Variants in NCK2 observed in about 807,000 individuals in gnomAD.
NCK2 encodes the protein cytoplasmic protein NCK2.
In NCK2, 16 loss-of-function variants were observed where a neutral mutation model predicts 33.9. The observed-to-expected ratio is 0.47, with a 90% CI of 0.32 to 0.72. The LOEUF is 0.72. NCK2 is among the 30% of genes least tolerant of loss of function. The pLI is 0.03. For synonymous variants in NCK2, 273 were observed against 239.9 expected (o/e 1.14, Z -1.27); for missense variants, 418 against 537.3 (o/e 0.78, Z 2.19).
At chr2:105,875,054 G>T (rs1481342014) in intron 3 of NCK2, among the ~76,000 whole-genome samples, 1 of 152,194 alleles carries the variant, frequency 6.6e-6, no homozygotes, top group Non-Finnish European at 1.5e-5. Context: ...TTATTATTAT[G>T]AAATGCAGAT....
chr2:105,779,692 AT>A (rs558126530), intron 1 of NCK2, among the ~76,000 whole-genome samples: 70 of 148,392 alleles, frequency 4.7e-4, no homozygotes, highest in South Asian at 1.1e-3. Context: ...AAGAGCTTTG[AT>A]TTTTTTTTTT....
chr2:105,850,508 T>C (rs1677024895), intron 2 of NCK2, among the ~76,000 whole-genome samples: 1 of 152,194 alleles, frequency 6.6e-6, no homozygotes, highest in African/African-American at 2.4e-5. Flanking sequence ...CTAAGCTGTG[T>C]TTTAGAGTGG....
chr2:105,812,426 T>A (rs1028722755), intron 1 of NCK2, among the ~76,000 whole-genome samples: 1 of 152,206 alleles, frequency 6.6e-6, no homozygotes. Flanking sequence ...TAAGGTTCTC[T>A]TCCAAGTGGT....
intron 3 of NCK2, among the ~76,000 whole-genome samples, chr2:105,861,619 A>G (rs1166206473): frequency 6.7e-6 from 1 of 149,466 alleles, no homozygotes; most frequent in Non-Finnish European, 1.5e-5. Context: ...GGTTCAAGCG[A>G]TTCTCCTGCT....
chr2:105,855,338 A>G, intron 3 of NCK2, 49 bp downstream of exon 3: 2 of 1,390,046 alleles, frequency 1.4e-6, no homozygotes, highest in Non-Finnish European at 9.8e-7. Context: ...TTCAAGGGAC[A>G]CTGTTCGTCT....
At chr2:105,812,993 A>T (rs961687419) in intron 1 of NCK2, among the ~76,000 whole-genome samples, 8 of 152,202 alleles carry the variant, frequency 5.3e-5, no homozygotes, top group African/African-American at 1.9e-4. Flanking sequence ...AGATGGCATC[A>T]GCAGATGCGA....
chr2:105,871,451 G>A (rs1426295074), intron 3 of NCK2, among the ~76,000 whole-genome samples: 1 of 152,050 alleles, frequency 6.6e-6, no homozygotes, highest in Admixed American at 6.5e-5. Flanking sequence ...AGTCTGCTCA[G>A]GGAGATGGGG....
At chr2:105,748,399 T>G (rs1226387386) in intron 1 of NCK2, among the ~76,000 whole-genome samples, 1 of 152,146 alleles carries the variant, frequency 6.6e-6, no homozygotes, top group Non-Finnish European at 1.5e-5. Context: ...TTTTTTCTTT[T>G]TTTAAGGCAG....
intron 4 of NCK2, among the ~76,000 whole-genome samples, chr2:105,885,884 G>A (rs1303296961): frequency 6.6e-6 from 1 of 152,046 alleles, no homozygotes; most frequent in Admixed American, 6.5e-5. Context: ...TTTCTGTTGA[G>A]TTTTTTGGGG....
chr2:105,798,004 G>A (rs185326644), intron 1 of NCK2, among the ~76,000 whole-genome samples: 1 of 152,136 alleles, frequency 6.6e-6, no homozygotes, highest in South Asian at 2.1e-4. Context: ...TCATTTCCTA[G>A]GAGAAGAAAA....
chr2:105,776,269 A>G (rs1690297321), intron 1 of NCK2, among the ~76,000 whole-genome samples: 1 of 152,230 alleles, frequency 6.6e-6, no homozygotes, highest in Non-Finnish European at 1.5e-5. Flanking sequence ...GGTTTTCTGT[A>G]ACACTCAGTT....
chr2:105,769,597 C>A (rs907790391), intron 1 of NCK2, among the ~76,000 whole-genome samples: 11 of 152,150 alleles, frequency 7.2e-5, no homozygotes, highest in African/African-American at 2.7e-4. Flanking sequence ...AGAAATGGGA[C>A]GTGTGGGTGA....
chr2:105,772,542 G>A (rs1690167316), intron 1 of NCK2, among the ~76,000 whole-genome samples: 2 of 152,016 alleles, frequency 1.3e-5, no homozygotes, highest in Admixed American at 1.3e-4. Context: ...CGCAGCACTG[G>A]GGTCAGCCGC....
At chr2:105,785,050 C>T (rs1690629347) in intron 1 of NCK2, among the ~76,000 whole-genome samples, 1 of 152,230 alleles carries the variant, frequency 6.6e-6, no homozygotes, top group African/African-American at 2.4e-5. Context: ...GCGATCTCAG[C>T]TCACTGCAAG....
intron 2 of NCK2, among the ~76,000 whole-genome samples, chr2:105,848,096 T>G (rs543056018): frequency 6.6e-6 from 1 of 152,352 alleles, no homozygotes; most frequent in East Asian, 1.9e-4. Flanking sequence ...TTGAGCCTAG[T>G]GATGACTGGG....
chr2:105,807,083 A>G lies in NCK2; in HGVS notation c.-200-9347A>G, dbSNP rs144511766. 1.6e-3 allele frequency among the ~76,000 whole-genome samples: 242 copies of G among 152,304 alleles called. 1 individual carries two copies. Among genetic ancestry groups the G allele is most frequent in the African/African-American group, 5.3e-3 (221 of 41,552 alleles). On this transcript the variant is annotated intron_variant, in intron 1 of 4. Transcript: ENST00000233154. The stretch of plus-strand genomic sequence containing the variant: ...TGTGGAATGAAGGTAGAGTCTGAGT[A>G]ACACTTGGAATCCCTGGAGTACTAA...
chr2:105,758,374 T>A (rs1425998751), intron 1 of NCK2, among the ~76,000 whole-genome samples: 1 of 152,024 alleles, frequency 6.6e-6, no homozygotes, highest in Non-Finnish European at 1.5e-5. Context: ...ATTTAGTTTA[T>A]TTCTTACTCC....
chr2:105,843,269 C>A (rs1316559695), intron 2 of NCK2, among the ~76,000 whole-genome samples: 1 of 151,934 alleles, frequency 6.6e-6, no homozygotes, highest in African/African-American at 2.4e-5. Context: ...ATGTGTGACC[C>A]ATCACATGAG....
At chr2:105,856,789 T>G (rs1305262983) in intron 3 of NCK2, 1 of 152,212 alleles carries the variant, frequency 6.6e-6, no homozygotes, top group Non-Finnish European at 1.5e-5. Context: ...ATGCTCCTTC[T>G]CCACTGAGCT....
Sources: allele counts gnomAD v4.1 joint callset (sites outside exome capture counted in the v4.1 genomes callset), GRCh38; gene constraint gnomAD v4.1.1; transcripts MANE v1.5; gene names NCBI Gene and HGNC (gene_info 2026-07-23, HGNC 2026-07-21).